The following ZFP3 variants were observed in gnomAD, a reference collection of about 807,000 sequenced individuals.
The protein encoded by ZFP3 is zinc finger protein 3 homolog.
Under a neutral mutation model 36.7 loss-of-function variants are expected in ZFP3, and 18 were observed. That is an observed-to-expected ratio of 0.49 (90% CI 0.34 to 0.73). ZFP3 has a LOEUF of 0.73. Among genes scored for constraint, ZFP3 ranks in the 30% least tolerant of loss-of-function variants. ZFP3 has a pLI of 0.01. For synonymous variants in ZFP3, 218 were observed against 199.0 expected (o/e 1.10, Z -0.81); for missense variants, 495 against 599.0 (o/e 0.83, Z 1.81).
At chr17:5,088,907 T>A (rs1188623928) in intron 1 of ZFP3, among the ~76,000 whole-genome samples, 1 of 152,228 alleles carries the variant, frequency 6.6e-6, no homozygotes, top group Admixed American at 6.5e-5. Flanking sequence ...CATGCCCCCT[T>A]GAGAATCACC....
chr17:5,081,985 G>A (rs2072096010), intron 1 of ZFP3, among the ~76,000 whole-genome samples: 1 of 150,160 alleles, frequency 6.7e-6, no homozygotes, highest in African/African-American at 2.4e-5. Context: ...GCCGAGGTGG[G>A]TGGATCATTT....
intron 1 of ZFP3, among the ~76,000 whole-genome samples, chr17:5,088,834 C>G (rs2072134992): frequency 6.6e-6 from 1 of 152,178 alleles, no homozygotes; most frequent in Admixed American, 6.5e-5. Context: ...CCATGTCATT[C>G]CTTGGTTTAA....
In ZFP3 at chr17:5,091,910, G is replaced by A. The variant is rs752454645; in HGVS notation, c.406G>A (p.Val136Met). ...LESNKTQRSSVGEKPHTCKEC... is the reference protein window; with the variant it reads ...LESNKTQRSSMGEKPHTCKEC... The stretch of plus-strand genomic sequence containing the variant: ...ATCTAACAAAACACAGAGAAGTTCT[G>A]TGGGAGAAAAGCCTCATACATGTAA... Residue 136 changes from valine to methionine, a missense_variant, in exon 2 of 2, where the codon GTG becomes ATG. By Grantham distance (21) the Val-to-Met change is conservative. Coordinates refer to ENST00000318833, the MANE Select transcript of ZFP3 (RefSeq NM_153018.3). The A allele has an allele frequency of 1.2e-6, 2 of 1,614,214 alleles. No individual in the cohort carries two copies. The highest frequency in any genetic ancestry group is 1.1e-5 in the South Asian group (1 of 91,090).
chr17:5,086,299 G>A (rs2072120567), intron 1 of ZFP3, among the ~76,000 whole-genome samples: 1 of 152,136 alleles, frequency 6.6e-6, no homozygotes, highest in Non-Finnish European at 1.5e-5. Flanking sequence ...GCCCGAGCCG[G>A]ATGGTGTTAG....
chr17:5,092,741 A>C lies in ZFP3; in HGVS notation c.1237A>C (p.Arg413=). 2 of 1,614,176 alleles carry C rather than the reference A, an allele frequency of 1.2e-6. No homozygotes were observed. The highest frequency in any genetic ancestry group is 2.7e-5 in the African/African-American group (2 of 75,038). The part of the protein sequence containing the change: ...RRTSHLIVHQ[R]IHTGEKPHQC... ...GACCTCTCACCTTATTGTCCACCAGAGAATTCATACTGGAGAGAAACCCCA... is the reference window on the plus strand; with the variant it reads ...GACCTCTCACCTTATTGTCCACCAGCGAATTCATACTGGAGAGAAACCCCA... Residue 413 remains arginine (R), a synonymous_variant, in exon 2 of 2, where the codon AGA becomes CGA. Coordinates refer to ENST00000318833, the MANE Select transcript of ZFP3 (RefSeq NM_153018.3). The surrounding 1 kb of genome is among the most constrained non-coding windows in gnomAD (Gnocchi z 5.0).
In ZFP3 at chr17:5,092,527, A is replaced by C; in HGVS notation, c.1023A>C (p.Glu341Asp). Reference protein sequence around the residue: ...HTGDKPYECNECGKTFGQNSE... With the variant: ...HTGDKPYECNDCGKTFGQNSE... The stretch of plus-strand genomic sequence containing the variant: ...GGGACAAACCCTATGAATGTAATGA[A>C]TGTGGGAAAACTTTTGGCCAGAACT... Residue 341 changes from glutamate to aspartate, a missense_variant, in exon 2 of 2, where the codon GAA becomes GAC. By Grantham distance (45) the Glu-to-Asp change is conservative. This residue lies in a region of ZFP3 where 103 missense variants were observed against 186.8 expected (regional missense o/e 0.55). Coordinates refer to ENST00000318833, the MANE Select transcript of ZFP3 (RefSeq NM_153018.3). This position sits in a 1 kb window ranked among gnomAD's most constrained non-coding sequence, Gnocchi z 5.0. 2.5e-6 allele frequency: 4 copies of C among 1,614,126 alleles called. No individual in the cohort carries two copies. Among genetic ancestry groups the C allele is most frequent in the Non-Finnish European group, 3.4e-6 (4 of 1,180,016 alleles).
intron 1 of ZFP3, 39 bp from the exon 2 acceptor site, chr17:5,091,458 T>C: frequency 1.3e-6 from 2 of 1,570,730 alleles, no homozygotes; most frequent in Non-Finnish European, 1.7e-6. Context: ...CATTTAAATA[T>C]GATACGGTCC....
rs1341963650 is a variant in ZFP3, at chr17:5,092,588, G to T, written c.1084G>T (p.Glu362Ter). 1 of 1,614,034 alleles carries T rather than the reference G, an allele frequency of 6.2e-7. No homozygotes were observed. Among genetic ancestry groups the T allele is most frequent in the African/African-American group, 1.3e-5 (1 of 74,912 alleles). The change falls in exon 2 of 2, where the codon GAG (glutamate) becomes TAG (stop). Residue 362 changes from glutamate (E) to a stop codon, truncating the protein, a stop_gained. Coordinates refer to ENST00000318833, the MANE Select transcript of ZFP3 (RefSeq NM_153018.3). LOFTEE classifies it high-confidence loss of function. The surrounding 1 kb of genome is among the most constrained non-coding windows in gnomAD (Gnocchi z 5.0). ...IIRHIRIHTG[E>*]KPYVCKECGK... The stretch of plus-strand genomic sequence containing the variant: ...TAGACATATTAGAATTCATACTGGT[G>T]AGAAGCCCTATGTATGTAAGGAATG...
At chr17:5,081,880 C>T (rs1160527624) in intron 1 of ZFP3, among the ~76,000 whole-genome samples, 1 of 146,858 alleles carries the variant, frequency 6.8e-6, no homozygotes, top group Non-Finnish European at 1.5e-5. Flanking sequence ...GGATTACAGG[C>T]GTGAGCCACC....
In ZFP3 at chr17:5,092,068, G is replaced by T; in HGVS notation, c.564G>T (p.Leu188=). The change falls in exon 2 of 2, where the codon CTG becomes CTT. Residue 188 remains leucine (L), a synonymous_variant. Coordinates refer to ENST00000318833, the MANE Select transcript of ZFP3 (RefSeq NM_153018.3). The surrounding 1 kb of genome is among the most constrained non-coding windows in gnomAD (Gnocchi z 5.0). The stretch of plus-strand genomic sequence containing the variant: ...CTAATTCAAGCCTTCGACGGCACCT[G>T]AGAATTCATGCTGGAGAAAAACCCT... ...FGTNSSLRRH[L]RIHAGEKPFA... 1 of 1,614,226 alleles carries T rather than the reference G, an allele frequency of 6.2e-7. No homozygotes were observed. The highest frequency in any genetic ancestry group is 8.5e-7 in the Non-Finnish European group (1 of 1,180,038).
intron 1 of ZFP3, among the ~76,000 whole-genome samples, chr17:5,086,904 A>G: frequency 6.8e-6 from 1 of 146,664 alleles, no homozygotes; most frequent in Non-Finnish European, 1.5e-5. Flanking sequence ...CTTTTTTTGT[A>G]CTTTTAGTAG....
intron 1 of ZFP3, among the ~76,000 whole-genome samples, chr17:5,081,195 A>G (rs558218833): frequency 1.0e-4 from 15 of 150,098 alleles, no homozygotes; most frequent in Non-Finnish European, 1.9e-4. Context: ...CGGGCTTCAC[A>G]CCATTCTCCT....
intron 1 of ZFP3, among the ~76,000 whole-genome samples, chr17:5,089,044 G>T (rs1408572879): frequency 1.3e-5 from 2 of 152,188 alleles, no homozygotes; most frequent in Non-Finnish European, 2.9e-5. Flanking sequence ...TCTGAACAAA[G>T]GTCAGGCTTA....
chr17:5,092,651 CATGAG>C lies in ZFP3; in HGVS notation c.1149_1153del (p.His383GlnfsTer10). 6.2e-7 allele frequency: 1 copy of C among 1,614,132 alleles called. No individual in the cohort carries two copies. On this transcript the variant is annotated frameshift_variant, in exon 2 of 2. Transcript: ENST00000318833. LOFTEE classifies it high-confidence loss of function. This position sits in a 1 kb window ranked among gnomAD's most constrained non-coding sequence, Gnocchi z 5.0. Reference sequence around the variant, plus strand: ...CAGGGGGAACTCAGAACTTCTTAGACATGAGAGAATTCACACTGGAGAGAAACCCT... The same window carrying C: ...CAGGGGGAACTCAGAACTTCTTAGACAGAATTCACACTGGAGAGAAACCCT...
chr17:5,086,637 C>T (rs1298229441), intron 1 of ZFP3, among the ~76,000 whole-genome samples: 2 of 151,264 alleles, frequency 1.3e-5, no homozygotes, highest in Middle Eastern at 3.2e-3. Flanking sequence ...CAGTCCACTA[C>T]CAGCTGGCTT....
At chr17:5,083,306 C>A (rs571504214) in intron 1 of ZFP3, among the ~76,000 whole-genome samples, 9 of 152,052 alleles carry the variant, frequency 5.9e-5, no homozygotes, top group Non-Finnish European at 1.2e-4. Context: ...GCTTGTAATC[C>A]CAGCACTTTG....
At chr17:5,084,518 G>A (rs1039759058) in intron 1 of ZFP3, among the ~76,000 whole-genome samples, 23 of 149,664 alleles carry the variant, frequency 1.5e-4, no homozygotes, top group South Asian at 2.2e-4. Context: ...CTCGTGATCC[G>A]CCCGCCTCGG....
rs1347442227 is a variant in ZFP3, at chr17:5,090,985, A to ATT, written c.-8-510_-8-509dup. Reference sequence around the variant, plus strand: ...TGTCATTTCTGTCCCTTCTTTCAATATTTATCGTATACCTATCTATTAATA... The same window carrying ATT: ...TGTCATTTCTGTCCCTTCTTTCAATATTTTTATCGTATACCTATCTATTAATA... On this transcript the variant is annotated intron_variant, in intron 1 of 1. Transcript: ENST00000318833. 2.0e-5 allele frequency among the ~76,000 whole-genome samples: 3 copies of ATT among 151,986 alleles called. No homozygotes were observed. In the East Asian group the frequency reaches 5.8e-4, roughly 29 times the overall value.
rs1223522621 is a variant in ZFP3, at chr17:5,078,852, T to A, written c.-9+277T>A. On this transcript the variant is annotated intron_variant, in intron 1 of 1. Coordinates refer to ENST00000318833, the MANE Select transcript of ZFP3 (RefSeq NM_153018.3). The surrounding 1 kb of genome is among the most constrained non-coding windows in gnomAD (Gnocchi z 4.5). The stretch of plus-strand genomic sequence containing the variant: ...GGAGAAGCAGGGACACTCCCTTCTG[T>A]ACCGAGGTGGGGACCCGTGGGAGCT... 2.6e-5 allele frequency among the ~76,000 whole-genome samples: 4 copies of A among 152,182 alleles called. No homozygotes were observed. The highest frequency in any genetic ancestry group is 2.6e-4 in the Admixed American group (4 of 15,280).
Sources: allele counts gnomAD v4.1 joint callset (sites outside exome capture counted in the v4.1 genomes callset), GRCh38; gene constraint gnomAD v4.1.1; regional missense constraint gnomAD v4.1.1; non-coding constraint Gnocchi (gnomAD v3.1); transcripts MANE v1.5; gene names NCBI Gene and HGNC (gene_info 2026-07-23, HGNC 2026-07-21).